Variants in LAMA2 observed in about 807,000 individuals in gnomAD.
The protein encoded by LAMA2 is laminin subunit alpha 2.
Under a neutral mutation model 364.8 loss-of-function variants are expected in LAMA2, and 269 were observed. The observed-to-expected ratio is 0.74, with a 90% CI of 0.67 to 0.82. LAMA2 has a LOEUF of 0.82. Ranked by LOEUF, LAMA2 falls within the 40% of genes least tolerant of loss-of-function variation. The probability of loss-of-function intolerance (pLI) is 0.00; values close to 1 mark genes in which losing one functional copy is unlikely to be tolerated. For synonymous variants in LAMA2, 1,379 were observed against 1,370.6 expected, an observed-to-expected ratio of 1.01 and a Z score of -0.14; for missense variants, 3,807 against 3,873.2, an observed-to-expected ratio of 0.98 and a Z score of 0.45.
intron 1 of LAMA2, among the ~76,000 whole-genome samples, chr6:128,888,474 T>C (rs913500358): frequency 2.0e-5 from 3 of 152,226 alleles, no homozygotes; most frequent in African/African-American, 7.2e-5. Flanking sequence ...AAAAATGTCC[T>C]GGACAAACAA....
At chr6:129,293,228 A>G (rs919103964) in intron 20 of LAMA2, among the ~76,000 whole-genome samples, 4 of 152,244 alleles carry the variant, frequency 2.6e-5, no homozygotes, top group African/African-American at 9.6e-5. Context: ...CCCTTTTAAA[A>G]ATAACCATCC....
At chr6:129,047,807 T>C (rs1787631259) in intron 1 of LAMA2, among the ~76,000 whole-genome samples, 1 of 152,222 alleles carries the variant, frequency 6.6e-6, no homozygotes, top group Non-Finnish European at 1.5e-5. Context: ...TAATCAAATA[T>C]TATAAAAATC....
intron 3 of LAMA2, among the ~76,000 whole-genome samples, chr6:129,062,047 A>G (rs1788957269): frequency 6.6e-6 from 1 of 152,184 alleles, no homozygotes; most frequent in Non-Finnish European, 1.5e-5. Flanking sequence ...TTTTGTAATC[A>G]AGTTTCGTGA....
At chr6:129,100,548 C>G (rs1035492779) in intron 4 of LAMA2, among the ~76,000 whole-genome samples, 1 of 152,154 alleles carries the variant, frequency 6.6e-6, no homozygotes, top group Non-Finnish European at 1.5e-5. Context: ...AGACTCTCAG[C>G]TCAATGATAA....
intron 13 of LAMA2, among the ~76,000 whole-genome samples, 193 bp from the exon 14 acceptor site, chr6:129,251,891 C>T (rs903231251): frequency 6.6e-6 from 1 of 151,926 alleles, no homozygotes. Context: ...GCCGAGATCG[C>T]GCCGTTGCAC....
intron 4 of LAMA2, among the ~76,000 whole-genome samples, chr6:129,101,041 C>T (rs2114879206): frequency 6.6e-6 from 1 of 152,288 alleles, no homozygotes; most frequent in African/African-American, 2.4e-5. Context: ...TATGTACTTT[C>T]ACATAATCCC....
chr6:129,504,393 C>T (rs757059071), intron 60 of LAMA2, among the ~76,000 whole-genome samples: 16 of 152,122 alleles, frequency 1.1e-4, no homozygotes, highest in Non-Finnish European at 2.2e-4. Context: ...AAATTAATAA[C>T]GGATTTTATT....
At chr6:129,205,493 T>TATATATATATATATATATACACACAC (rs1343472728) in intron 12 of LAMA2, among the ~76,000 whole-genome samples, 2 of 104,272 alleles carry the variant, frequency 1.9e-5, no homozygotes, top group African/African-American at 1.1e-4. Flanking sequence ...TATATATATA[T>TATATATATATATATATATACACACAC]ACACACACAC....
At chr6:129,214,314 A>G (rs1783287889) in intron 12 of LAMA2, among the ~76,000 whole-genome samples, 1 of 152,142 alleles carries the variant, frequency 6.6e-6, no homozygotes. Flanking sequence ...CTTTTTAACA[A>G]CCCACCCTCG....
intron 1 of LAMA2, among the ~76,000 whole-genome samples, chr6:128,969,527 C>A (rs1395020176): frequency 1.3e-5 from 2 of 151,924 alleles, no homozygotes; most frequent in Non-Finnish European, 2.9e-5. Context: ...GCCTCCCAGG[C>A]TCAAGCGATC....
At chr6:128,939,339 T>C (rs957847891) in intron 1 of LAMA2, among the ~76,000 whole-genome samples, 1 of 146,198 alleles carries the variant, frequency 6.8e-6, no homozygotes, top group African/African-American at 2.5e-5. Flanking sequence ...AGAGTTTCCT[T>C]TTTTTTTTTC....
At chr6:129,359,337 TA>T (rs1275327577) in intron 32 of LAMA2, among the ~76,000 whole-genome samples, 1 of 149,996 alleles carries the variant, frequency 6.7e-6, no homozygotes, top group Non-Finnish European at 1.5e-5. Context: ...AACATATATA[TA>T]AAACATAAAT....
In LAMA2 at chr6:129,505,263, A is replaced by G; in HGVS notation, c.8611A>G (p.Ile2871Val). ...LYVDGASNRT[I>V]SPKKADILDV... ...TGTAGATGGGGCTTCCAACAGAACC[A>G]TCAGTCCCAAAAAAGCCGACATCCT... The change falls in exon 61 of 65, where the codon ATC becomes GTC. Residue 2871 changes from isoleucine (I) to valine (V), a missense_variant. Coordinates refer to ENST00000421865, the MANE Select transcript of LAMA2 (RefSeq NM_000426.4). The G allele has an allele frequency of 6.2e-7, 1 of 1,613,930 alleles. No individual in the cohort carries two copies. Among genetic ancestry groups the G allele is most frequent in the Non-Finnish European group, 8.5e-7 (1 of 1,179,826 alleles).
chr6:128,981,274 T>C (rs1782847642), intron 1 of LAMA2, among the ~76,000 whole-genome samples: 1 of 152,160 alleles, frequency 6.6e-6, no homozygotes, highest in Non-Finnish European at 1.5e-5. Flanking sequence ...GATCTCTCTA[T>C]AACCTAGTAA....
chr6:129,404,039 C>T (rs1332365242), intron 40 of LAMA2, 80 bp downstream of exon 40: 1 of 1,489,842 alleles, frequency 6.7e-7, no homozygotes, highest in Admixed American at 1.7e-5. Flanking sequence ...TCTGGAAAAT[C>T]CCAGTAAATT....
At chr6:129,258,184 G>A (rs1786844504) in intron 14 of LAMA2, among the ~76,000 whole-genome samples, 2 of 151,928 alleles carry the variant, frequency 1.3e-5, no homozygotes, top group South Asian at 2.1e-4. Flanking sequence ...CATAAGTACT[G>A]GCTTTAGTAA....
chr6:129,075,111 G>A (rs942276535), intron 3 of LAMA2, among the ~76,000 whole-genome samples: 11 of 152,008 alleles, frequency 7.2e-5, no homozygotes, highest in Non-Finnish European at 1.5e-5. Context: ...GATTATAGAC[G>A]GTGATGAAAG....
chr6:129,270,645 G>A lies in LAMA2; in HGVS notation c.2344G>A (p.Gly782Ser). Reference sequence around the variant, plus strand: ...TCAGAACTGTAAGGATCACACAGGTGGCCCATATTGTGATAAATGTCTTCC... The same window carrying A: ...TCAGAACTGTAAGGATCACACAGGTAGCCCATATTGTGATAAATGTCTTCC... ...ECLNCKDHTG[G>S]PYCDKCLPGF... The change falls in exon 17 of 65, where the codon GGC becomes AGC. Residue 782 changes from glycine to serine, a missense_variant. Gly to Ser is a moderately conservative substitution (Grantham distance 56). Coordinates refer to ENST00000421865, the MANE Select transcript of LAMA2 (RefSeq NM_000426.4). The A allele has an allele frequency of 1.9e-6, 3 of 1,612,950 alleles. No individual in the cohort carries two copies. The highest frequency in any genetic ancestry group is 2.5e-6 in the Non-Finnish European group (3 of 1,179,318).
intron 45 of LAMA2, among the ~76,000 whole-genome samples, chr6:129,446,137 GC>G (rs1782359373): frequency 6.6e-6 from 1 of 151,588 alleles, no homozygotes; most frequent in Admixed American, 6.6e-5. Flanking sequence ...ATACTAAAAA[GC>G]CATGGATGAG....
Sources: gnomAD v4.1 joint callset for allele counts (sites outside exome capture counted in the v4.1 genomes callset) on GRCh38, gnomAD v4.1.1 for gene constraint, MANE v1.5 for transcripts, NCBI Gene and HGNC (gene_info 2026-07-23, HGNC 2026-07-21) for gene names.